The following ARHGEF18 variants were observed in gnomAD, a reference collection of about 807,000 sequenced individuals.
The protein encoded by ARHGEF18 is Rho/Rac guanine nucleotide exchange factor 18, also known as rho guanine nucleotide exchange factor 18.
A neutral mutation model predicts 155.7 loss-of-function variants in ARHGEF18; 93 were observed. That is an observed-to-expected ratio of 0.60 (90% CI 0.50 to 0.71). The LOEUF (loss-of-function observed/expected upper bound fraction) is 0.71. Among genes scored for constraint, ARHGEF18 ranks in the 30% least tolerant of loss-of-function variants. The pLI, the probability that ARHGEF18 is intolerant of heterozygous loss-of-function variation, is 0.00. For synonymous variants in ARHGEF18, 742 were observed against 753.1 expected, an observed-to-expected ratio of 0.99 and a Z score of 0.24; for missense variants, 1,593 against 1,816.1, an observed-to-expected ratio of 0.88 and a Z score of 2.23.
At chr19:7,476,396 CT>C (rs1236040951), downstream of ARHGEF18, among the ~76,000 whole-genome samples, 1 of 152,242 alleles carries the variant, frequency 6.6e-6, no homozygotes, top group East Asian at 1.9e-4. Flanking sequence ...CTGGGCCAGG[CT>C]GTGCAACAAT....
chr19:7,434,682 G>A (rs545357599), intron 10 of ARHGEF18, among the ~76,000 whole-genome samples: 13 of 152,308 alleles, frequency 8.5e-5, no homozygotes, highest in African/African-American at 2.4e-4. Flanking sequence ...TGTCTCTCTC[G>A]GAGCCAAGAG....
chr19:7,437,534 G>A (rs980152175), intron 10 of ARHGEF18, among the ~76,000 whole-genome samples: 3 of 151,864 alleles, frequency 2.0e-5, no homozygotes, highest in African/African-American at 4.8e-5. Context: ...TTATAACTCC[G>A]TGTTCCCAAG....
intron 5 of ARHGEF18, among the ~76,000 whole-genome samples, chr19:7,377,110 G>A (rs1227412594): frequency 6.0e-5 from 9 of 149,340 alleles, no homozygotes; most frequent in East Asian, 5.9e-4. Flanking sequence ...TTGCTCTGTC[G>A]CCCAGGCTGC....
chr19:7,360,291 A>G (rs1446856605), intron 1 of ARHGEF18, among the ~76,000 whole-genome samples: 2 of 150,636 alleles, frequency 1.3e-5, no homozygotes, highest in Non-Finnish European at 3.0e-5. Context: ...GCTGGAGTGC[A>G]ATGGCACAAT....
intron 10 of ARHGEF18, among the ~76,000 whole-genome samples, chr19:7,389,621 C>T (rs2113010): frequency 0.028 from 4,193 of 151,690 alleles, 94 homozygotes; most frequent in Non-Finnish European, 0.041. Context: ...GCAACCTCCA[C>T]CTCCTGGGTT....
At chr19:7,474,971 C>T (rs962829180), downstream of ARHGEF18, among the ~76,000 whole-genome samples, 3 of 152,100 alleles carry the variant, frequency 2.0e-5, no homozygotes, top group East Asian at 3.9e-4. Context: ...CGGTGGCCCA[C>T]GCCTATAATC....
chr19:7,451,631 T>C (rs1006212784), intron 16 of ARHGEF18, among the ~76,000 whole-genome samples: 1 of 152,040 alleles, frequency 6.6e-6, no homozygotes, highest in South Asian at 2.1e-4. Context: ...CCCAGGCTGG[T>C]GTGGAACTCC....
At chr19:7,357,075 A>G (rs1343986524) in intron 1 of ARHGEF18, among the ~76,000 whole-genome samples, 1 of 152,150 alleles carries the variant, frequency 6.6e-6, no homozygotes, top group African/African-American at 2.4e-5. Flanking sequence ...GCTCTCATGA[A>G]GTTGGGCTCA....
chr19:7,445,739 C>T (rs992215107), intron 14 of ARHGEF18, among the ~76,000 whole-genome samples: 1 of 152,132 alleles, frequency 6.6e-6, no homozygotes, highest in Non-Finnish European at 1.5e-5. Flanking sequence ...CATGCCTCAG[C>T]CTCCCGAGTA....
At chr19:7,451,290 G>GC in intron 16 of ARHGEF18, 24 bp downstream of exon 16, 6 of 1,601,208 alleles carry the variant, frequency 3.7e-6, no homozygotes, top group Non-Finnish European at 5.1e-6. Context: ...CCACTGCCCC[G>GC]CCCGCCCGTG....
chr19:7,451,000 G>A, intron 15 of ARHGEF18, 149 bp from the exon 16 acceptor site: 1 of 342,896 alleles, frequency 2.9e-6, no homozygotes, highest in Non-Finnish European at 4.7e-6. Context: ...GGATCTTGCT[G>A]TCCATTTCCG....
At chr19:7,459,500 G>C (rs991622181) in intron 19 of ARHGEF18, among the ~76,000 whole-genome samples, 1 of 152,194 alleles carries the variant, frequency 6.6e-6, no homozygotes, top group Non-Finnish European at 1.5e-5. Context: ...GATTACAGGC[G>C]TGAGCCACCA....
chr19:7,410,778 C>G (rs1470444729), intron 10 of ARHGEF18, among the ~76,000 whole-genome samples: 4 of 138,690 alleles, frequency 2.9e-5, no homozygotes, highest in Non-Finnish European at 6.1e-5. Flanking sequence ...CTATTGCACT[C>G]CAGCCTGGGC....
downstream of ARHGEF18, among the ~76,000 whole-genome samples, chr19:7,475,111 T>G (rs571598120): frequency 3.4e-4 from 51 of 152,236 alleles, no homozygotes; most frequent in African/African-American, 1.2e-3. Context: ...GGCGTGCCTG[T>G]AGTCCCAGCT....
Position 7,469,054 on chromosome 19 carries a change from C to A in ARHGEF18, c.3710C>A (p.Thr1237Asn). 6.2e-7 allele frequency: 1 copy of A among 1,607,368 alleles called. No homozygotes were observed. The highest frequency in any genetic ancestry group is 8.5e-7 in the Non-Finnish European group (1 of 1,177,894). The change falls in exon 27 of 29, where the codon ACC becomes AAC. Residue 1237 changes from threonine (T) to asparagine (N), a missense_variant. Coordinates refer to ENST00000668164, the MANE Select transcript of ARHGEF18 (RefSeq NM_001367823.1). ...RQAAVQQQIP[T>N]KLAASTKGGK... ...GCGGCCGTGCAGCAGCAGATCCCCACCAAGCTGGCGGCCTCCACCAAGGGT... is the reference window on the plus strand; with the variant it reads ...GCGGCCGTGCAGCAGCAGATCCCCAACAAGCTGGCGGCCTCCACCAAGGGT...
chr19:7,473,076 C>T (rs1178009018), downstream of ARHGEF18: 1 of 456,138 alleles, frequency 2.2e-6, no homozygotes, highest in Non-Finnish European at 4.4e-6. Flanking sequence ...AATCTTTTTG[C>T]TTTTAATCCA....
At chr19:7,476,363 C>A (rs544989831), downstream of ARHGEF18, among the ~76,000 whole-genome samples, 2 of 152,236 alleles carry the variant, frequency 1.3e-5, no homozygotes, top group Non-Finnish European at 2.9e-5. Flanking sequence ...CAAGGGCGCA[C>A]ACACACTGGC....
rs776794567 is a variant in ARHGEF18 at position 7,468,969 on chromosome 19, C to T, written c.3625C>T (p.Leu1209=). The T allele has an allele frequency of 6.3e-7, 1 of 1,589,712 alleles. No individual in the cohort carries two copies. The highest frequency in any genetic ancestry group is 8.5e-7 in the Non-Finnish European group (1 of 1,169,648). The change falls in exon 27 of 29, where the codon CTG becomes TTG. Residue 1209 remains leucine (L), a synonymous_variant. Coordinates refer to ENST00000668164, the MANE Select transcript of ARHGEF18 (RefSeq NM_001367823.1). ...RRDSAPTENR[L]AKSDVPIQLL... is the part of the protein sequence containing the mutation. The stretch of plus-strand genomic sequence containing the variant: ...GGACAGCGCCCCCACCGAGAACCGG[C>T]TGGCCAAGAGCGATGTGCCCATCCA...
chr19:7,436,197 CTTTTTTT>C (rs567879436), intron 10 of ARHGEF18, among the ~76,000 whole-genome samples: 3 of 78,576 alleles, frequency 3.8e-5, no homozygotes, highest in Admixed American at 1.4e-4. Flanking sequence ...AGCATTTCTT[CTTTTTTT>C]TTTTTTTTTT....
Sources: allele counts gnomAD v4.1 joint callset (sites outside exome capture counted in the v4.1 genomes callset), GRCh38; gene constraint gnomAD v4.1.1; transcripts MANE v1.5; gene names NCBI Gene and HGNC (gene_info 2026-07-23, HGNC 2026-07-21).